KAZALD1: variants seen among roughly 807,000 people sequenced by gnomAD.
KAZALD1 encodes Kazal type serine peptidase inhibitor domain 1, also known as kazal-type serine protease inhibitor domain-containing protein 1.
Under a neutral mutation model 27.7 loss-of-function variants are expected in KAZALD1, and 31 were observed. That is an observed-to-expected ratio of 1.12 (90% CI 0.84 to 1.51). The LOEUF is 1.51. Among genes scored for constraint, KAZALD1 ranks in the 40% most tolerant of loss-of-function variants. The pLI, the probability that KAZALD1 is intolerant of heterozygous loss-of-function variation, is 0.00. For synonymous variants in KAZALD1, 179 were observed against 182.0 expected (o/e 0.98, Z 0.13); for missense variants, 444 against 408.9 (o/e 1.09, Z -0.74).
chr10:101,065,418 A>G lies in KAZALD1; in HGVS notation c.*498A>G, dbSNP rs1048118421. On this transcript the variant is annotated 3_prime_UTR_variant, in exon 5 of 5. Coordinates refer to ENST00000370200, the MANE Select transcript of KAZALD1 (RefSeq NM_030929.5). The stretch of plus-strand genomic sequence containing the variant: ...CTCCTAAGCCCCAGTTGCACCTACT[A>G]ACTGCAGTCCCTTTTGCTGTCTGCC... 6 of 174,642 alleles carry G rather than the reference A, an allele frequency of 3.4e-5. No individual in the cohort carries two copies. Among genetic ancestry groups the G allele is most frequent in the Admixed American group, 3.3e-4 (6 of 18,460 alleles). 10.8% of individuals were successfully genotyped at this position (174,642 alleles called of 1,614,324 possible).
At position 101,064,595 on chromosome 10, in the gene KAZALD1, G is replaced by T. The variant is rs36116329; in HGVS notation, c.767G>T (p.Arg256Leu). 1 of 1,613,820 alleles carries T rather than the reference G, an allele frequency of 6.2e-7. No individual in the cohort carries two copies. Among genetic ancestry groups the T allele is most frequent in the Non-Finnish European group, 8.5e-7 (1 of 1,180,012 alleles). ...SDEGTYRCLG[R>L]NALGQVEAPA... ...GAGGGCACTTACCGCTGCCTTGGCCGCAATGCCCTGGGTCAAGTGGAGGCC... is the reference window on the plus strand; with the variant it reads ...GAGGGCACTTACCGCTGCCTTGGCCTCAATGCCCTGGGTCAAGTGGAGGCC... Residue 256 changes from arginine to leucine, a missense_variant, in exon 4 of 5, where the codon CGC becomes CTC. Physicochemically the swap from Arg to Leu is moderately radical, Grantham distance 102 (BLOSUM62 -2). Coordinates refer to ENST00000370200, the MANE Select transcript of KAZALD1 (RefSeq NM_030929.5).
downstream of KAZALD1, chr10:101,067,087 G>A (rs1354418961): frequency 2.9e-6 from 1 of 350,308 alleles, no homozygotes; most frequent in Non-Finnish European, 5.7e-6. Flanking sequence ...AAATGAGAGC[G>A]CGGGCGGCGT....
In KAZALD1 at chr10:101,062,738, A is replaced by G; in HGVS notation, c.146A>G (p.Glu49Gly). 1 of 1,540,804 alleles carries G rather than the reference A, an allele frequency of 6.5e-7. No individual in the cohort carries two copies. Among genetic ancestry groups the G allele is most frequent in the Non-Finnish European group, 8.7e-7 (1 of 1,152,452 alleles). The change falls in exon 2 of 5, where the codon GAG (glutamate) becomes GGG (glycine). Residue 49 changes from glutamate to glycine, a missense_variant. By Grantham distance (98) the Glu-to-Gly change is moderately conservative. Coordinates refer to ENST00000370200, the MANE Select transcript of KAZALD1 (RefSeq NM_030929.5). Reference protein sequence around the residue: ...LRRGWMRLLAEGEGCAPCRPE... With the variant: ...LRRGWMRLLAGGEGCAPCRPE... The stretch of plus-strand genomic sequence containing the variant: ...CGCGGCTGGATGCGGCTGCTAGCGG[A>G]GGGCGAGGGCTGCGCTCCCTGCCGG...
chr10:101,067,142 G>A, downstream of KAZALD1: 1 of 381,284 alleles, frequency 2.6e-6, no homozygotes, highest in Non-Finnish European at 5.4e-6. Context: ...GGCAGGGGAG[G>A]GGGAGGGAGG....
At position 101,066,117 on chromosome 10, in the gene KAZALD1, T is replaced by C. The variant is rs1432504337; in HGVS notation, c.*1197T>C. Among the ~76,000 whole-genome samples the C allele has an allele frequency of 3.9e-5, 6 of 152,256 alleles. No individual in the cohort carries two copies. The East Asian group carries it at 1.2e-3, about 29-fold the overall frequency. ...TTCTCCTTACCTATCCCAGGGACAC[T>C]GGTGAGACTCAATGTTTATTTAATG... is the stretch of plus-strand genomic sequence containing the variant. On this transcript the variant is annotated 3_prime_UTR_variant, in exon 5 of 5. Coordinates refer to ENST00000370200, the MANE Select transcript of KAZALD1 (RefSeq NM_030929.5).
Position 101,064,664 on chromosome 10 carries a change from A to G in KAZALD1, c.820+16A>G. 3.1e-6 allele frequency: 5 copies of G among 1,613,100 alleles called. No individual in the cohort carries two copies. The highest frequency in any genetic ancestry group is 3.4e-6 in the Non-Finnish European group (4 of 1,179,938). ...CTCACACCTGGTAAGGGGATTCCTG[A>G]GTTCTGGGGGTTGGGGGGATGGTGC... On this transcript the variant is annotated intron_variant, in intron 4 of 4. Coordinates refer to ENST00000370200, the MANE Select transcript of KAZALD1 (RefSeq NM_030929.5).
In KAZALD1 at chr10:101,066,394, T is replaced by G. The variant is rs1265603607; in HGVS notation, c.*1474T>G. ...TCCCGCGGCTACGCACTACTCCATC[T>G]ACTGCTGGCTTGCCCCGGGTCCTTA... is the stretch of plus-strand genomic sequence containing the variant. On this transcript the variant is annotated 3_prime_UTR_variant, in exon 5 of 5. Coordinates refer to ENST00000370200, the MANE Select transcript of KAZALD1 (RefSeq NM_030929.5). The G allele has an allele frequency of 2.2e-6, 1 of 456,746 alleles. No individual in the cohort carries two copies. Among genetic ancestry groups the G allele is most frequent in the Non-Finnish European group, 4.4e-6 (1 of 226,970 alleles). 28.3% of individuals were successfully genotyped at this position (456,746 alleles called of 1,614,324 possible).
In KAZALD1 at chr10:101,062,966, T is replaced by C. The variant is rs1233093064; in HGVS notation, c.374T>C (p.Leu125Pro). ...AGCCGCGGAGAGGTGCCGGAACCTCTGTGTGCCTGTCGTTCGCAGAGTCCG... is the reference window on the plus strand; with the variant it reads ...AGCCGCGGAGAGGTGCCGGAACCTCCGTGTGCCTGTCGTTCGCAGAGTCCG... ...DLSRGEVPEP[L>P]CACRSQSPLC... is the part of the protein sequence containing the mutation. Residue 125 changes from leucine (L) to proline (P), a missense_variant, in exon 2 of 5, where the codon CTG becomes CCG. Physicochemically the swap from Leu to Pro is moderately conservative, Grantham distance 98. Transcript: ENST00000370200. The C allele has an allele frequency of 1.9e-6, 3 of 1,601,830 alleles. No individual in the cohort carries two copies. The highest frequency in any genetic ancestry group is 1.7e-6 in the Non-Finnish European group (2 of 1,179,428).
In KAZALD1 at chr10:101,064,960, A is replaced by T; in HGVS notation, c.*40A>T. The T allele has an allele frequency of 7.0e-7, 1 of 1,425,322 alleles. No individual in the cohort carries two copies. The highest frequency in any genetic ancestry group is 9.9e-7 in the Non-Finnish European group (1 of 1,009,062). The allele number at this position is 1,425,322 out of a possible 1,614,324, so 88.3% of individuals were successfully genotyped here. A position where few individuals can be genotyped will look rare whatever the true frequency, so the allele number is the denominator to read the frequency against. On this transcript the variant is annotated 3_prime_UTR_variant, in exon 5 of 5. Transcript: ENST00000370200. ...CCCATGGGGGTGGGTGAGCGGCTATAGTGTTCATCCCTGCTCTTGAAAAGA... is the reference window on the plus strand; with the variant it reads ...CCCATGGGGGTGGGTGAGCGGCTATTGTGTTCATCCCTGCTCTTGAAAAGA...
At position 101,064,272 on chromosome 10, in the gene KAZALD1, G is replaced by A. The variant is rs775463162; in HGVS notation, c.523G>A (p.Val175Met). Residue 175 changes from valine (V) to methionine (M), a missense_variant, in exon 3 of 5, where the codon GTG (valine) becomes ATG (methionine). Val to Met is a conservative substitution (Grantham distance 21). Coordinates refer to ENST00000370200, the MANE Select transcript of KAZALD1 (RefSeq NM_030929.5). Reference sequence around the variant, plus strand: ...GCCTTCACCCCCAGGGCCCCAGATCGTGTCACATCCATATGACACTTGGAA... The same window carrying A: ...GCCTTCACCCCCAGGGCCCCAGATCATGTCACATCCATATGACACTTGGAA... The part of the protein sequence containing the change: ...PGPCESGPQI[V>M]SHPYDTWNVT... 23 of 1,613,980 alleles carry A rather than the reference G, an allele frequency of 1.4e-5. No homozygotes were observed. Among genetic ancestry groups the A allele is most frequent in the South Asian group, 6.6e-5 (6 of 91,082 alleles).
chr10:101,063,175 C>T, intron 2 of KAZALD1, 72 bp downstream of exon 2: 2 of 1,324,972 alleles, frequency 1.5e-6, no homozygotes, highest in Non-Finnish European at 2.0e-6. Context: ...CCCCTGACAG[C>T]ATTGGTCTCT....
intron 3 of KAZALD1, 26 bp from the exon 4 acceptor site, chr10:101,064,475 C>A: frequency 1.2e-6 from 2 of 1,614,158 alleles, no homozygotes; most frequent in Non-Finnish European, 8.5e-7. Flanking sequence ...CCAGAAGGAC[C>A]CTGCTGATTC....
Position 101,062,942 on chromosome 10 carries a change from G to A in KAZALD1, c.350G>A (p.Ser117Asn). 6.2e-7 allele frequency: 1 copy of A among 1,602,354 alleles called. No homozygotes were observed. Among genetic ancestry groups the A allele is most frequent in the East Asian group, 2.2e-5 (1 of 44,852 alleles). ...CGGCTGGACACAGGCGGCGACCTGA[G>A]CCGCGGAGAGGTGCCGGAACCTCTG... ...ECRLDTGGDL[S>N]RGEVPEPLCA... The change falls in exon 2 of 5, where the codon AGC becomes AAC. Residue 117 changes from serine (S) to asparagine (N), a missense_variant. Coordinates refer to ENST00000370200, the MANE Select transcript of KAZALD1 (RefSeq NM_030929.5).
intron 4 of KAZALD1, 61 bp from the exon 5 acceptor site, chr10:101,064,765 T>C (rs1477158711): frequency 6.2e-7 from 1 of 1,600,572 alleles, no homozygotes; most frequent in African/African-American, 1.3e-5. Flanking sequence ...CAGACTGGGC[T>C]ATGTGGGCAC....
Position 101,063,007 on chromosome 10 carries a change from G to T in KAZALD1, c.415G>T (p.Gly139Cys). 1 of 1,599,884 alleles carries T rather than the reference G, an allele frequency of 6.3e-7. No homozygotes were observed. ...RSQSPLCGSDGHTYSQICRLQ... is the reference protein window; with the variant it reads ...RSQSPLCGSDCHTYSQICRLQ... ...GCAGAGTCCGCTCTGCGGGTCCGAC[G>T]GTCACACCTACTCCCAGATCTGCCG... Residue 139 changes from glycine (G) to cysteine (C), a missense_variant, in exon 2 of 5, where the codon GGT (glycine) becomes TGT (cysteine). Physicochemically the swap from Gly to Cys is radical, Grantham distance 159. Coordinates refer to ENST00000370200, the MANE Select transcript of KAZALD1 (RefSeq NM_030929.5).
Position 101,062,556 on chromosome 10 carries a change from C to T in KAZALD1, c.-37C>T. 1.3e-6 allele frequency: 2 copies of T among 1,569,314 alleles called. No individual in the cohort carries two copies. The highest frequency in any genetic ancestry group is 1.7e-6 in the Non-Finnish European group (2 of 1,167,840). On this transcript the variant is annotated 5_prime_UTR_variant, in exon 2 of 5. Transcript: ENST00000370200. ...CTTCCTGGCAGGGTGCCCGAACGCGCTGATGCCCCGAGTGCTCGCAGGGCT... is the reference window on the plus strand; with the variant it reads ...CTTCCTGGCAGGGTGCCCGAACGCGTTGATGCCCCGAGTGCTCGCAGGGCT...
At position 101,064,835 on chromosome 10, in the gene KAZALD1, A is replaced by T. The variant is rs148725318; in HGVS notation, c.830A>T (p.Asn277Ile). ...CCATGTGTGTTTGCAGACCAGCTGAACTCTACAGGCATCCCCCAGCTGCGA... is the reference window on the plus strand; with the variant it reads ...CCATGTGTGTTTGCAGACCAGCTGATCTCTACAGGCATCCCCCAGCTGCGA... ...SLTVLTPDQL[N>I]STGIPQLRSL... The change falls in exon 5 of 5, where the codon AAC becomes ATC. Residue 277 changes from asparagine (N) to isoleucine (I), a missense_variant. Coordinates refer to ENST00000370200, the MANE Select transcript of KAZALD1 (RefSeq NM_030929.5). The T allele has an allele frequency of 1.9e-6, 3 of 1,613,834 alleles. No homozygotes were observed. Among genetic ancestry groups the T allele is most frequent in the Non-Finnish European group, 2.5e-6 (3 of 1,179,944 alleles).
Position 101,064,440 on chromosome 10 carries a change from C to T in KAZALD1, c.672+19C>T, listed in dbSNP as rs1198546870. 9 of 1,614,084 alleles carry T rather than the reference C, an allele frequency of 5.6e-6. No individual in the cohort carries two copies. The highest frequency in any genetic ancestry group is 7.6e-6 in the Non-Finnish European group (9 of 1,180,040). On this transcript the variant is annotated intron_variant, in intron 3 of 4. Coordinates refer to ENST00000370200, the MANE Select transcript of KAZALD1 (RefSeq NM_030929.5). ...TGTGCAGGTAGACTGGTGGGAGAGG[C>T]TTCCCTCAGGCAGCCCAGGGCCCTC... is the stretch of plus-strand genomic sequence containing the variant.
In KAZALD1 at chr10:101,062,674, A is replaced by T. The variant is rs938829768; in HGVS notation, c.82A>T (p.Thr28Ser). 1.3e-6 allele frequency: 2 copies of T among 1,548,186 alleles called. No homozygotes were observed. Among genetic ancestry groups the T allele is most frequent in the African/African-American group, 2.7e-5 (2 of 73,040 alleles). Residue 28 changes from threonine to serine, a missense_variant, in exon 2 of 5, where the codon ACC becomes TCC. Thr to Ser is a moderately conservative substitution (Grantham distance 58). Transcript: ENST00000370200. ...LLLVVLTPPP[T>S]GARPSPGPDY... ...GCTGGTGGTGCTGACGCCGCCCCCGACCGGCGCAAGGCCATCCCCAGGCCC... is the reference window on the plus strand; with the variant it reads ...GCTGGTGGTGCTGACGCCGCCCCCGTCCGGCGCAAGGCCATCCCCAGGCCC...
Sources: allele counts gnomAD v4.1 joint callset (sites outside exome capture counted in the v4.1 genomes callset), GRCh38; gene constraint gnomAD v4.1.1; transcripts MANE v1.5; gene names NCBI Gene and HGNC (gene_info 2026-07-23, HGNC 2026-07-21).